Variants in FBN2 observed in about 807,000 individuals in gnomAD.
The protein encoded by FBN2 is fibrillin-2.
In FBN2, 105 loss-of-function variants were observed where a neutral mutation model predicts 355.6. The observed-to-expected ratio is 0.30, with a 90% CI of 0.25 to 0.35. The LOEUF is 0.35. FBN2 is among the 10% of genes least tolerant of loss of function. The probability of loss-of-function intolerance (pLI) is 1.00; values close to 1 mark genes in which losing one functional copy is unlikely to be tolerated. For synonymous variants in FBN2, 1,350 were observed against 1,301.2 expected, an observed-to-expected ratio of 1.04 and a Z score of -0.81; for missense variants, 3,280 against 3,758.7, an observed-to-expected ratio of 0.87 and a Z score of 3.33.
intron 48 of FBN2, among the ~76,000 whole-genome samples, chr5:128,292,841 T>G (rs966209353): frequency 6.6e-6 from 1 of 152,180 alleles, no homozygotes; most frequent in Non-Finnish European, 1.5e-5. Flanking sequence ...TTTCTTGAAC[T>G]GCCACCCTCT....
intron 5 of FBN2, among the ~76,000 whole-genome samples, chr5:128,497,867 T>C (rs541428983): frequency 1.3e-5 from 2 of 152,336 alleles, no homozygotes; most frequent in African/African-American, 4.8e-5. Context: ...AAATTCTTTA[T>C]ATATGCCAGA....
At chr5:128,415,387 TA>T (rs1753168243) in intron 7 of FBN2, among the ~76,000 whole-genome samples, 1 of 152,178 alleles carries the variant, frequency 6.6e-6, no homozygotes, top group South Asian at 2.1e-4. Context: ...CAGCCTTTGG[TA>T]ACTCTTATTC....
intron 18 of FBN2, 89 bp downstream of exon 18, chr5:128,364,511 G>A (rs1397493148): frequency 7.5e-7 from 1 of 1,339,916 alleles, no homozygotes; most frequent in Non-Finnish European, 1.0e-6. Flanking sequence ...ACAATTTTTA[G>A]TTTTAGTCAT....
chr5:128,473,993 C>A (rs1478593498), intron 5 of FBN2, among the ~76,000 whole-genome samples: 2 of 152,190 alleles, frequency 1.3e-5, no homozygotes, highest in Non-Finnish European at 2.9e-5. Context: ...CACAAGGCTA[C>A]TGCTGACATC....
At chr5:128,324,943 T>C (rs1191167859) in intron 34 of FBN2, among the ~76,000 whole-genome samples, 1 of 152,210 alleles carries the variant, frequency 6.6e-6, no homozygotes, top group East Asian at 1.9e-4. Flanking sequence ...TAACCCTGAG[T>C]TCTAATTTGG....
At chr5:128,347,172 A>G (rs1340120204) in intron 23 of FBN2, among the ~76,000 whole-genome samples, 2 of 152,214 alleles carry the variant, frequency 1.3e-5, no homozygotes, top group Non-Finnish European at 2.9e-5. Context: ...CCTGCTCAAG[A>G]AGCTCAAGAC....
At position 128,328,747 on chromosome 5, in the gene FBN2, A is replaced by G; in HGVS notation, c.4420T>C (p.Cys1474Arg). The change falls in exon 34 of 65, where the codon TGC becomes CGC. Residue 1474 changes from cysteine to arginine, a missense_variant. Cys to Arg is a radical substitution (Grantham distance 180). Transcript: ENST00000262464. ...QCLNVPGAYR[C>R]ECEMGFTPAS... ...GGAGTGAAGCCCATCTCACACTCGC[A>G]GCGATATGCACCCGGGACATTAAGG... The G allele has an allele frequency of 6.2e-7, 1 of 1,614,172 alleles. No homozygotes were observed. Among genetic ancestry groups the G allele is most frequent in the Non-Finnish European group, 8.5e-7 (1 of 1,180,022 alleles).
In FBN2 at chr5:128,378,850, A is replaced by C. The variant is rs182651973; in HGVS notation, c.1644T>G (p.Asp548Glu). 8.9e-5 allele frequency: 143 copies of C among 1,613,234 alleles called. No homozygotes were observed. Among genetic ancestry groups the C allele is most frequent in the Middle Eastern group, 1.7e-4 (1 of 6,052 alleles). The change falls in exon 12 of 65, where the codon GAT becomes GAG. Residue 548 changes from aspartate (D) to glutamate (E), a missense_variant. Physicochemically the swap from Asp to Glu is conservative, Grantham distance 45 (BLOSUM62 2). Transcript: ENST00000262464. ...AATAGGAACCAGGTGTGTTAACACA[A>C]TCTCCATTAGTGCAGGGATTTGATG... ...ECTSNPCTNG[D>E]CVNTPGSYYC...
intron 34 of FBN2, chr5:128,327,946 GT>G: frequency 6.6e-6 from 1 of 152,396 alleles, no homozygotes; most frequent in Non-Finnish European, 1.5e-5. Flanking sequence ...CCCAAACTGA[GT>G]TTTTTTAAAG....
intron 5 of FBN2, among the ~76,000 whole-genome samples, chr5:128,505,726 ACT>A (rs10564015): frequency 0.5 from 75,463 of 151,924 alleles, 21,980 homozygotes; most frequent in African/African-American, 0.82. Context: ...TAATGTATTT[ACT>A]CTTTTTCAAC....
chr5:128,459,820 A>G (rs180935042), intron 6 of FBN2, among the ~76,000 whole-genome samples: 1 of 152,330 alleles, frequency 6.6e-6, no homozygotes, highest in East Asian at 1.9e-4. Context: ...ATCTCAAAAT[A>G]ATAAGAGCTA....
intron 25 of FBN2, among the ~76,000 whole-genome samples, chr5:128,343,444 GGAAAGAGCCAA>G (rs1270846063): frequency 6.6e-6 from 1 of 152,180 alleles, no homozygotes; most frequent in Non-Finnish European, 1.5e-5. Flanking sequence ...AGGAGGCACA[GGAAAGAGCCAA>G]GAAAGATGTG....
At chr5:128,434,587 C>CCTCTCT (rs143527483) in intron 7 of FBN2, among the ~76,000 whole-genome samples, 25 of 147,308 alleles carry the variant, frequency 1.7e-4, no homozygotes, top group African/African-American at 6.3e-4. Context: ...AGAAAGGTTC[C>CCTCTCT]CTCTCTCTCT....
chr5:128,458,861 C>T lies in FBN2; in HGVS notation c.826+5863G>A, dbSNP rs559715555. ...TCAGAAAGCTATAAAGATCTCAAAT[C>T]GACACCCTAACATCACAATTAAAAG... On this transcript the variant is annotated intron_variant, in intron 6 of 64. Transcript: ENST00000262464. 4.2e-4 allele frequency among the ~76,000 whole-genome samples: 64 copies of T among 151,986 alleles called. 2 individuals are homozygous for T. Among genetic ancestry groups the T allele is most frequent in the Admixed American group, 6.6e-4 (10 of 15,256 alleles).
chr5:128,305,768 G>A (rs1749853330), intron 43 of FBN2, 55 bp downstream of exon 43: 3 of 1,603,748 alleles, frequency 1.9e-6, no homozygotes, highest in Non-Finnish European at 2.6e-6. Flanking sequence ...CCATCTAAAT[G>A]CTATATATGT....
chr5:128,495,127 T>C (rs1454280608), intron 5 of FBN2, among the ~76,000 whole-genome samples: 1 of 152,064 alleles, frequency 6.6e-6, no homozygotes, highest in Non-Finnish European at 1.5e-5. Context: ...GTAGAAATTC[T>C]GGAGATAGAA....
At chr5:128,481,098 C>A (rs183834094) in intron 5 of FBN2, among the ~76,000 whole-genome samples, 1 of 152,046 alleles carries the variant, frequency 6.6e-6, no homozygotes, top group South Asian at 2.1e-4. Context: ...CCAGGTTTCA[C>A]AGCCTGAAAA....
chr5:128,441,181 C>G (rs1403998031), intron 7 of FBN2, among the ~76,000 whole-genome samples: 1 of 152,184 alleles, frequency 6.6e-6, no homozygotes, highest in African/African-American at 2.4e-5. Context: ...ATAATCTCTA[C>G]AGCCAGTGCC....
intron 61 of FBN2, among the ~76,000 whole-genome samples, chr5:128,272,486 A>ATATATATG (rs1765293329): frequency 6.9e-6 from 1 of 144,356 alleles, no homozygotes; most frequent in Non-Finnish European, 1.5e-5. Flanking sequence ...ATATATATAT[A>ATATATATG]AAATATATTT....
Sources: gnomAD v4.1 joint callset for allele counts (sites outside exome capture counted in the v4.1 genomes callset) on GRCh38, gnomAD v4.1.1 for gene constraint, MANE v1.5 for transcripts, NCBI Gene and HGNC (gene_info 2026-07-23, HGNC 2026-07-21) for gene names.